Variants in C8A observed in about 807,000 individuals in gnomAD.
The protein encoded by C8A is complement component C8 alpha chain.
C8A carries 67 observed loss-of-function variants against 65.3 expected under a neutral mutation model. That is an observed-to-expected ratio of 1.03 (90% CI 0.84 to 1.26). The LOEUF (loss-of-function observed/expected upper bound fraction) is 1.26, where lower values mean the gene tolerates loss of function less well. Among genes scored for constraint, C8A ranks in the 50% most tolerant of loss-of-function variants. C8A has a pLI of 0.00. For missense variants in C8A, 781 were observed against 723.9 expected (o/e 1.08, Z -0.90); for synonymous variants, 290 against 259.4 (o/e 1.12, Z -1.13).
chr1:56,867,498 A>T (rs1189970380), intron 1 of C8A, 111 bp from the exon 2 acceptor site: 3 of 762,434 alleles, frequency 3.9e-6, no homozygotes, highest in Non-Finnish European at 7.1e-6. Flanking sequence ...ATAAATGTTC[A>T]TTCCTCATTT....
chr1:56,885,766 G>T (rs1644294454), intron 6 of C8A, among the ~76,000 whole-genome samples, 161 bp from the exon 7 acceptor site: 2 of 151,638 alleles, frequency 1.3e-5, no homozygotes, highest in Admixed American at 1.3e-4. Context: ...TAGCCAGGAT[G>T]GTCTCGATCT....
chr1:56,895,367 A>G (rs561163757), intron 7 of C8A, among the ~76,000 whole-genome samples: 3 of 152,258 alleles, frequency 2.0e-5, no homozygotes, highest in East Asian at 1.9e-4. Context: ...ATAATCTCCA[A>G]TTCACAAAAG....
chr1:56,887,022 T>A (rs1644305468), intron 7 of C8A, among the ~76,000 whole-genome samples: 1 of 152,158 alleles, frequency 6.6e-6, no homozygotes, highest in South Asian at 2.1e-4. Context: ...GTGATTCTGA[T>A]GCTACTACAG....
At chr1:56,874,468 G>A (rs534674898) in intron 2 of C8A, among the ~76,000 whole-genome samples, 149 of 152,316 alleles carry the variant, frequency 9.8e-4, no homozygotes, top group African/African-American at 3.2e-3. Flanking sequence ...CAAGTGCCAA[G>A]TGTATGAAGC....
intron 2 of C8A, among the ~76,000 whole-genome samples, chr1:56,868,744 T>C (rs557450461): frequency 6.6e-5 from 10 of 152,336 alleles, no homozygotes; most frequent in Admixed American, 4.6e-4. Flanking sequence ...TACCACTCAC[T>C]GCCTGAACCT....
intron 1 of C8A, among the ~76,000 whole-genome samples, chr1:56,860,040 G>A (rs1644017183): frequency 6.6e-6 from 1 of 152,192 alleles, no homozygotes; most frequent in South Asian, 2.1e-4. Context: ...TCCAGTCTGA[G>A]CAGCAGAGCA....
intron 1 of C8A, among the ~76,000 whole-genome samples, chr1:56,865,412 G>T (rs1055377859): frequency 1.3e-5 from 2 of 152,208 alleles, no homozygotes; most frequent in Non-Finnish European, 2.9e-5. Context: ...TCCTCACGTG[G>T]TGGAAGGGAT....
intron 9 of C8A, among the ~76,000 whole-genome samples, chr1:56,910,612 G>A (rs887011222): frequency 2.2e-4 from 33 of 152,316 alleles, no homozygotes; most frequent in African/African-American, 7.7e-4. Context: ...CCTATTCTAC[G>A]CTGACTTCCT....
intron 8 of C8A, 21 bp downstream of exon 8, chr1:56,906,813 C>A: frequency 1.9e-6 from 3 of 1,613,882 alleles, no homozygotes; most frequent in Non-Finnish European, 2.5e-6. Flanking sequence ...AGTAATAGAT[C>A]TCCCAAAAAG....
At chr1:56,891,668 T>C (rs1011306864) in intron 7 of C8A, among the ~76,000 whole-genome samples, 1 of 152,110 alleles carries the variant, frequency 6.6e-6, no homozygotes, top group South Asian at 2.1e-4. Flanking sequence ...TTGTGAGGTG[T>C]CAATTACTCC....
Position 56,883,656 on chromosome 1 carries a change from A to G in C8A, c.830A>G (p.Asn277Ser), listed in dbSNP as rs1340774469. The change falls in exon 6 of 11, where the codon AAC becomes AGC. Residue 277 changes from asparagine to serine, a missense_variant. Coordinates refer to ENST00000361249, the MANE Select transcript of C8A (RefSeq NM_000562.3). Reference protein sequence around the residue: ...VSHSQDTSFLNELNKYNEKKF... With the variant: ...VSHSQDTSFLSELNKYNEKKF... ...CACTCACAAGACACTTCATTCTTGA[A>G]CGAATTAAACAAGTATAATGAGAAG... 1.9e-6 allele frequency: 3 copies of G among 1,613,816 alleles called. No individual in the cohort carries two copies. Among genetic ancestry groups the G allele is most frequent in the South Asian group, 1.1e-5 (1 of 91,078 alleles).
intron 9 of C8A, among the ~76,000 whole-genome samples, chr1:56,912,153 T>A (rs1349195480): frequency 6.6e-6 from 1 of 152,202 alleles, no homozygotes; most frequent in Non-Finnish European, 1.5e-5. Context: ...TCATTATTAT[T>A]TCTTAATAAT....
chr1:56,915,311 C>T (rs1043011483), intron 10 of C8A, among the ~76,000 whole-genome samples: 2 of 152,180 alleles, frequency 1.3e-5, no homozygotes, highest in African/African-American at 4.8e-5. Flanking sequence ...AAGGAGCATG[C>T]AGAGAATACA....
At chr1:56,872,820 C>T (rs1644159283) in intron 2 of C8A, among the ~76,000 whole-genome samples, 1 of 151,818 alleles carries the variant, frequency 6.6e-6, no homozygotes, top group Non-Finnish European at 1.5e-5. Flanking sequence ...AATGACTAAA[C>T]ACTTTGGAAC....
At chr1:56,914,988 A>G (rs1010190661) in intron 10 of C8A, among the ~76,000 whole-genome samples, 1 of 152,072 alleles carries the variant, frequency 6.6e-6, no homozygotes, top group Non-Finnish European at 1.5e-5. Context: ...CAGGTCTTTA[A>G]TTTCTAAGCT....
At chr1:56,864,846 G>C (rs1227329843) in intron 1 of C8A, among the ~76,000 whole-genome samples, 1 of 152,132 alleles carries the variant, frequency 6.6e-6, no homozygotes, top group East Asian at 1.9e-4. Flanking sequence ...CAGGGGAACT[G>C]TAATTTCAAA....
chr1:56,898,948 G>T (rs1263996929), intron 7 of C8A, among the ~76,000 whole-genome samples: 1 of 152,156 alleles, frequency 6.6e-6, no homozygotes, highest in Non-Finnish European at 1.5e-5. Flanking sequence ...CATGGCTAAA[G>T]GCTCTGGGAC....
intron 2 of C8A, among the ~76,000 whole-genome samples, chr1:56,873,739 C>T (rs1644170325): frequency 6.6e-6 from 1 of 152,130 alleles, no homozygotes; most frequent in Non-Finnish European, 1.5e-5. Context: ...AGAGAGGCAC[C>T]AGGAAATACA....
Position 56,907,997 on chromosome 1 carries a change from C to A in C8A, c.1264C>A (p.Arg422=). The change falls in exon 9 of 11, where the codon CGG becomes AGG. Residue 422 remains arginine, a synonymous_variant. Coordinates refer to ENST00000361249, the MANE Select transcript of C8A (RefSeq NM_000562.3). ...CATGGCTGTGGAAGACATTATTTCT[C>A]GGGTGCGAGGTGGCAGTTCTGGCTG... ...KAMAVEDIIS[R]VRGGSSGWSG... is the part of the protein sequence containing the mutation. 1 of 1,614,132 alleles carries A rather than the reference C, an allele frequency of 6.2e-7. No homozygotes were observed.
Sources: allele counts gnomAD v4.1 joint callset (sites outside exome capture counted in the v4.1 genomes callset), GRCh38; gene constraint gnomAD v4.1.1; transcripts MANE v1.5; gene names NCBI Gene and HGNC (gene_info 2026-07-23, HGNC 2026-07-21).